The following LANCL1 variants were observed in gnomAD, a reference collection of about 807,000 sequenced individuals.
LANCL1 encodes LanC like glutathione S-transferase 1.
A neutral mutation model predicts 50.6 loss-of-function variants in LANCL1; 50 were observed. The ratio of observed to expected loss-of-function variants is 0.99; its 90% confidence interval spans 0.79 to 1.25. The LOEUF (loss-of-function observed/expected upper bound fraction) is 1.25, where lower values mean the gene tolerates loss of function less well. Ranked by LOEUF, LANCL1 falls within the 50% of genes most tolerant of loss-of-function variation. The pLI is 0.00. For synonymous variants in LANCL1, 188 were observed against 178.6 expected, an observed-to-expected ratio of 1.05 and a Z score of -0.42; for missense variants, 532 against 480.7, an observed-to-expected ratio of 1.11 and a Z score of -1.00.
intron 4 of LANCL1, among the ~76,000 whole-genome samples, chr2:210,451,649 A>C (rs1693514598): frequency 6.6e-6 from 1 of 152,294 alleles, no homozygotes; most frequent in South Asian, 2.1e-4. Flanking sequence ...TGAGAGACTA[A>C]GGTTTAGAGT....
At chr2:210,471,806 T>C (rs1574445509) in intron 3 of LANCL1, among the ~76,000 whole-genome samples, 153 bp downstream of exon 3, 2 of 152,218 alleles carry the variant, frequency 1.3e-5, no homozygotes, top group Admixed American at 1.3e-4. Flanking sequence ...CATGGTTGGT[T>C]GGGTTGAGGG....
intron 9 of LANCL1, 113 bp from the exon 10 acceptor site, chr2:210,434,676 T>C (rs746831060): frequency 1.5e-5 from 12 of 809,180 alleles, no homozygotes; most frequent in Non-Finnish European, 2.0e-5. Flanking sequence ...TTTCAGTCTA[T>C]TCAAACACAC....
chr2:210,476,406 A>G lies in LANCL1; in HGVS notation c.-10T>C. 6.2e-7 allele frequency: 1 copy of G among 1,613,536 alleles called. No individual in the cohort carries two copies. The highest frequency in any genetic ancestry group is 8.5e-7 in the Non-Finnish European group (1 of 1,179,884). The stretch of plus-strand genomic sequence containing the variant: ...AGGCCCTTTGAGCCATGACGCCGGA[A>G]GCAAGCCTGCAGAACAGGGGAAAAA... On this transcript the variant is annotated 5_prime_UTR_variant, in exon 2 of 10. Coordinates refer to ENST00000450366, the MANE Select transcript of LANCL1 (RefSeq NM_006055.3).
rs1187339578 is a variant in LANCL1 at position 210,432,143 on chromosome 2, T to G, written c.*2344A>C. The stretch of plus-strand genomic sequence containing the variant: ...AACTAAGAAGCCTAGTATAAAAGTT[T>G]CTTTAGTTACTACCATGTTGTTAGG... On this transcript the variant is annotated 3_prime_UTR_variant, in exon 10 of 10. Coordinates refer to ENST00000450366, the MANE Select transcript of LANCL1 (RefSeq NM_006055.3). 2 of 152,242 alleles carry G rather than the reference T, an allele frequency of 1.3e-5. No homozygotes were observed. Among genetic ancestry groups the G allele is most frequent in the Non-Finnish European group, 2.9e-5 (2 of 68,038 alleles). The allele number at this position is 152,242 out of a possible 1,614,324, so 9.4% of individuals were successfully genotyped here. A position where few individuals can be genotyped will look rare whatever the true frequency, so the allele number is the denominator to read the frequency against.
Position 210,437,720 on chromosome 2 carries a change from C to T in LANCL1, c.843G>A (p.Gly281=), listed in dbSNP as rs147186536. ...AGGCCTGGATGAGCATGTAGATTAC[C>T]CCAGGGGCGCCATGGCACCAATGGA... ...LLVHWCHGAP[G]VIYMLIQAYK... Residue 281 remains glycine, a synonymous_variant, in exon 7 of 10, where the codon GGG becomes GGA. Coordinates refer to ENST00000450366, the MANE Select transcript of LANCL1 (RefSeq NM_006055.3). 19 of 1,609,558 alleles carry T rather than the reference C, an allele frequency of 1.2e-5. No individual in the cohort carries two copies. Among genetic ancestry groups the T allele is most frequent in the South Asian group, 3.3e-5 (3 of 90,398 alleles).
intron 3 of LANCL1, 191 bp downstream of exon 3, chr2:210,471,768 A>G (rs1016877195): frequency 1.3e-6 from 1 of 744,316 alleles, no homozygotes; most frequent in Non-Finnish European, 2.5e-6. Context: ...CCCTAAATTC[A>G]GGGCACTATT....
At chr2:210,477,552 G>A (rs1694424140), upstream of LANCL1, 1 of 1,386,404 alleles carries the variant, frequency 7.2e-7, no homozygotes, top group Non-Finnish European at 9.3e-7. Context: ...TCAATGAAGA[G>A]TCCTAGCTCC....
intron 5 of LANCL1, 57 bp from the exon 6 acceptor site, chr2:210,440,801 G>A: frequency 2.0e-6 from 3 of 1,536,558 alleles, no homozygotes; most frequent in East Asian, 2.3e-5. Flanking sequence ...TCTTCCTGGA[G>A]GAGGTAAAGA....
intron 2 of LANCL1, 136 bp downstream of exon 2, chr2:210,476,180 T>A (rs1376079036): frequency 5.2e-6 from 3 of 574,884 alleles, no homozygotes; most frequent in Non-Finnish European, 9.5e-6. Flanking sequence ...CATGTATTTT[T>A]AAATAATTTA....
upstream of LANCL1, chr2:210,477,435 A>T: frequency 1.0e-6 from 1 of 981,798 alleles, no homozygotes. Flanking sequence ...TCTTTCATTT[A>T]AAATTAAATC....
chr2:210,455,356 C>T (rs1302204256), intron 3 of LANCL1, 42 bp from the exon 4 acceptor site: 2 of 1,523,404 alleles, frequency 1.3e-6, no homozygotes, highest in Admixed American at 3.9e-5. Flanking sequence ...TGAGGAAAGG[C>T]AGTTATTTTA....
At chr2:210,467,991 G>A (rs1694119713) in intron 3 of LANCL1, among the ~76,000 whole-genome samples, 1 of 152,148 alleles carries the variant, frequency 6.6e-6, no homozygotes. Flanking sequence ...AAGGGTTTGG[G>A]AGAAAGCAGA....
rs1280752963 is a variant in LANCL1 at position 210,431,653 on chromosome 2, C to T, written c.*2834G>A. 6.6e-6 allele frequency: 1 copy of T among 152,072 alleles called. No individual in the cohort carries two copies. Among genetic ancestry groups the T allele is most frequent in the East Asian group, 1.9e-4 (1 of 5,188 alleles). 9.4% of individuals were successfully genotyped at this position (152,072 alleles called of 1,614,324 possible). A position where few individuals can be genotyped will look rare whatever the true frequency, so the allele number is the denominator to read the frequency against. On this transcript the variant is annotated 3_prime_UTR_variant, in exon 10 of 10. Transcript: ENST00000450366. ...GGACATAGTAGCAGAGTATGTCTCT[C>T]AATTCAGTTATTTAGGAAATGTTAA... is the stretch of plus-strand genomic sequence containing the variant.
At chr2:210,476,041 A>G (rs988821803) in intron 2 of LANCL1, among the ~76,000 whole-genome samples, 2 of 152,202 alleles carry the variant, frequency 1.3e-5, no homozygotes, top group Admixed American at 1.3e-4. Context: ...AAAAAATGCC[A>G]ATTACATAGT....
chr2:210,476,907 C>A, upstream of LANCL1: 1 of 677,728 alleles, frequency 1.5e-6, no homozygotes, highest in Non-Finnish European at 1.8e-6. Context: ...GAAGTGAGGA[C>A]CTAGAATCAC....
chr2:210,444,259 C>T (rs1693240262), intron 4 of LANCL1, among the ~76,000 whole-genome samples: 1 of 152,132 alleles, frequency 6.6e-6, no homozygotes, highest in Admixed American at 6.6e-5. Flanking sequence ...TACCACCAGG[C>T]TATAGATACA....
In LANCL1 at chr2:210,437,855, G is replaced by T. The variant is rs768078290; in HGVS notation, c.708C>A (p.Ser236Arg). 6.3e-7 allele frequency: 1 copy of T among 1,598,254 alleles called. No homozygotes were observed. Among genetic ancestry groups the T allele is most frequent in the Non-Finnish European group, 8.5e-7 (1 of 1,173,938 alleles). ...TGACCAAACTATGTAACTTCCCTTGGCTCACTTGAAGGCTGGGCTAAAAAT... is the reference window on the plus strand; with the variant it reads ...TGACCAAACTATGTAACTTCCCTTGTCTCACTTGAAGGCTGGGCTAAAAAT... ...YYLMQPSLQV[S>R]QGKLHSLVKP... is the part of the protein sequence containing the mutation. The change falls in exon 7 of 10, where the codon AGC (serine) becomes AGA (arginine). Residue 236 changes from serine (S) to arginine (R), a missense_variant. Transcript: ENST00000450366.
rs191553647 is a variant in LANCL1 at position 210,439,603 on chromosome 2, T to C, written c.690+995A>G. Among the ~76,000 whole-genome samples, 8 of 152,320 alleles carry C rather than the reference T, an allele frequency of 5.3e-5. No homozygotes were observed. The East Asian group carries it at 1.3e-3, about 26-fold the overall frequency. Reference sequence around the variant, plus strand: ...AACATCCTAATTATATAACCTCTAATTGAAAAGTGTAGAATAAATACGCTA... The same window carrying C: ...AACATCCTAATTATATAACCTCTAACTGAAAAGTGTAGAATAAATACGCTA... On this transcript the variant is annotated intron_variant, in intron 6 of 9. Coordinates refer to ENST00000450366, the MANE Select transcript of LANCL1 (RefSeq NM_006055.3).
chr2:210,476,307 T>C lies in LANCL1; in HGVS notation c.81+9A>G, dbSNP rs773156238. 1.6e-5 allele frequency: 26 copies of C among 1,609,366 alleles called. No homozygotes were observed. The highest frequency in any genetic ancestry group is 1.7e-6 in the Non-Finnish European group (2 of 1,175,832). ...GGCAGGGATGCAGGCAGACATATCC[T>C]AAACTCACCCTCCCGGCAGCATCAA... On this transcript the variant is annotated intron_variant, in intron 2 of 9. Transcript: ENST00000450366.
Sources: allele counts gnomAD v4.1 joint callset (sites outside exome capture counted in the v4.1 genomes callset), GRCh38; gene constraint gnomAD v4.1.1; transcripts MANE v1.5; gene names NCBI Gene and HGNC (gene_info 2026-07-23, HGNC 2026-07-21).